NSG2: variants seen among roughly 807,000 people sequenced by gnomAD.
NSG2 encodes neuronal vesicle trafficking associated 2.
Under a neutral mutation model 16.9 loss-of-function variants are expected in NSG2, and 4 were observed. The ratio of observed to expected loss-of-function variants is 0.24; its 90% CI spans 0.12 to 0.54. The LOEUF (loss-of-function observed/expected upper bound fraction) is 0.54, where lower values mean the gene tolerates loss of function less well. Ranked by LOEUF, NSG2 falls within the 20% of genes least tolerant of loss-of-function variation. The probability of loss-of-function intolerance (pLI) is 0.95; values close to 1 mark genes in which losing one functional copy is unlikely to be tolerated. For synonymous variants in NSG2, 98 were observed against 88.7 expected (o/e 1.11, Z -0.59); for missense variants, 179 against 221.1 (o/e 0.81, Z 1.21).
At chr5:174,060,560 T>C (rs935885829) in intron 2 of NSG2, among the ~76,000 whole-genome samples, 2 of 152,132 alleles carry the variant, frequency 1.3e-5, no homozygotes, top group Admixed American at 1.3e-4. Flanking sequence ...TACCAAAAAT[T>C]AAGTGGCTTA....
chr5:174,107,529 G>T lies in NSG2; in HGVS notation c.*24G>T. 1 of 1,593,856 alleles carries T rather than the reference G, an allele frequency of 6.3e-7. No homozygotes were observed. Among genetic ancestry groups the T allele is most frequent in the Non-Finnish European group, 8.6e-7 (1 of 1,167,232 alleles). ...AGAGGCCTGCCCCAGCCAGAATGGG[G>T]GGCGGGGTGGAGAGGAGGACCCCCA... On this transcript the variant is annotated 3_prime_UTR_variant, in exon 5 of 5. Coordinates refer to ENST00000303177, the MANE Select transcript of NSG2 (RefSeq NM_015980.5). This position sits in a 1 kb window ranked among gnomAD's most constrained non-coding sequence, Gnocchi z 4.5.
chr5:174,057,312 A>G (rs940781246), intron 2 of NSG2, among the ~76,000 whole-genome samples: 5 of 152,064 alleles, frequency 3.3e-5, no homozygotes, highest in Admixed American at 1.3e-4. Context: ...TTGCAAATTT[A>G]TTTTTCTCCT....
chr5:174,107,457 A>G lies in NSG2; in HGVS notation c.468A>G (p.Ala156=), dbSNP rs774046344. The change falls in exon 5 of 5, where the codon GCA becomes GCG. Residue 156 remains alanine (A), a synonymous_variant. Coordinates refer to ENST00000303177, the MANE Select transcript of NSG2 (RefSeq NM_015980.5). The surrounding 1 kb of genome is among the most constrained non-coding windows in gnomAD (Gnocchi z 4.5). ...TARAIGPWLS[A]AAVIHEPKPP... ...GGGCCATCGGGCCGTGGCTGTCAGCAGCCGCTGTCATCCATGAGCCCAAGC... is the reference window on the plus strand; with the variant it reads ...GGGCCATCGGGCCGTGGCTGTCAGCGGCCGCTGTCATCCATGAGCCCAAGC... 6.2e-7 allele frequency: 1 copy of G among 1,612,390 alleles called. No homozygotes were observed. The highest frequency in any genetic ancestry group is 8.5e-7 in the Non-Finnish European group (1 of 1,178,702).
chr5:174,104,968 A>C (rs1760953801), intron 4 of NSG2, among the ~76,000 whole-genome samples: 1 of 152,054 alleles, frequency 6.6e-6, no homozygotes, highest in South Asian at 2.1e-4. Flanking sequence ...TAGATAATGA[A>C]CTCTCAACAA....
At chr5:174,083,131 GC>G (rs767639604) in intron 3 of NSG2, among the ~76,000 whole-genome samples, 3 of 152,174 alleles carry the variant, frequency 2.0e-5, no homozygotes, top group Non-Finnish European at 4.4e-5. Context: ...TGGCCCAGGA[GC>G]CCCACTCCCC....
At chr5:174,099,952 A>C (rs1760873387) in intron 3 of NSG2, among the ~76,000 whole-genome samples, 1 of 152,212 alleles carries the variant, frequency 6.6e-6, no homozygotes. Context: ...TGAGGTCTCA[A>C]GAAAGAGCCT....
At chr5:174,046,964 C>A in intron 2 of NSG2, 80 bp downstream of exon 2, 2 of 1,463,348 alleles carry the variant, frequency 1.4e-6, no homozygotes, top group South Asian at 1.2e-5. Flanking sequence ...ATTCCACCCC[C>A]CAAATCCTTT....
chr5:174,079,198 A>C (rs1376433340), intron 3 of NSG2, among the ~76,000 whole-genome samples: 1 of 151,742 alleles, frequency 6.6e-6, no homozygotes, highest in Non-Finnish European at 1.5e-5. Context: ...CCCATCTGAT[A>C]GGTAGGAAAT....
intron 2 of NSG2, among the ~76,000 whole-genome samples, chr5:174,052,860 C>T (rs1759914343): frequency 6.6e-6 from 1 of 152,180 alleles, no homozygotes; most frequent in South Asian, 2.1e-4. Context: ...CAGGCACAAC[C>T]CACCTTGGCA....
Position 174,107,387 on chromosome 5 carries a change from A to C in NSG2, c.398A>C (p.Tyr133Ser). ...SQDPNSRSRF[Y>S]TVISHYSVAK... ...GACCCCAATTCCAGAAGCCGCTTCT[A>C]CACAGTCATCAGCCACTACAGCGTG... The change falls in exon 5 of 5, where the codon TAC becomes TCC. Residue 133 changes from tyrosine (Y) to serine (S), a missense_variant. Physicochemically the swap from Tyr to Ser is moderately radical, Grantham distance 144. Transcript: ENST00000303177. This position sits in a 1 kb window ranked among gnomAD's most constrained non-coding sequence, Gnocchi z 4.5. 6.2e-7 allele frequency: 1 copy of C among 1,608,492 alleles called. No homozygotes were observed. Among genetic ancestry groups the C allele is most frequent in the Non-Finnish European group, 8.5e-7 (1 of 1,175,598 alleles).
At chr5:174,056,950 T>C (rs1179253160) in intron 2 of NSG2, among the ~76,000 whole-genome samples, 1 of 152,212 alleles carries the variant, frequency 6.6e-6, no homozygotes, top group Non-Finnish European at 1.5e-5. Context: ...AGACAAGGGG[T>C]CCTTTAGGGA....
chr5:174,095,135 C>T (rs1018530716), intron 3 of NSG2, among the ~76,000 whole-genome samples: 28 of 152,168 alleles, frequency 1.8e-4, no homozygotes, highest in African/African-American at 5.3e-4. Context: ...GCAGTTCATA[C>T]GGCAGTCTTC....
At chr5:174,090,215 C>T (rs750236618) in intron 3 of NSG2, among the ~76,000 whole-genome samples, 9 of 152,160 alleles carry the variant, frequency 5.9e-5, no homozygotes, top group East Asian at 3.9e-4. Context: ...CAAAGGGATA[C>T]GCAGCAAAAT....
chr5:174,080,512 C>CCTCT (rs1760433091), intron 3 of NSG2, among the ~76,000 whole-genome samples: 7 of 93,564 alleles, frequency 7.5e-5, no homozygotes, highest in African/African-American at 2.2e-4. Context: ...TCTTTCTTTC[C>CCTCT]CTCTTTCTTT....
intron 3 of NSG2, among the ~76,000 whole-genome samples, chr5:174,084,658 A>G (rs1399832165): frequency 2.6e-5 from 4 of 152,208 alleles, no homozygotes; most frequent in Admixed American, 2.6e-4. Flanking sequence ...AGCCCCTCAA[A>G]GAAGAGCTTT....
chr5:174,046,682 T>C (rs1163759683), intron 1 of NSG2, 52 bp from the exon 2 acceptor site: 1 of 1,582,104 alleles, frequency 6.3e-7, no homozygotes, highest in Non-Finnish European at 8.6e-7. Flanking sequence ...TCGTCAGCCC[T>C]CTCTTTCTGC....
chr5:174,054,427 G>A (rs1337683961), intron 2 of NSG2, among the ~76,000 whole-genome samples: 1 of 152,160 alleles, frequency 6.6e-6, no homozygotes, highest in Non-Finnish European at 1.5e-5. Flanking sequence ...TCCTGAAGCT[G>A]GAGTGTAGTG....
At chr5:174,055,811 C>T (rs980410547) in intron 2 of NSG2, among the ~76,000 whole-genome samples, 1 of 152,154 alleles carries the variant, frequency 6.6e-6, no homozygotes, top group African/African-American at 2.4e-5. Context: ...ACTGTGTGAC[C>T]TGTGGCAAAT....
chr5:174,051,869 C>T (rs1057346875), intron 2 of NSG2, among the ~76,000 whole-genome samples: 1 of 152,228 alleles, frequency 6.6e-6, no homozygotes, highest in Non-Finnish European at 1.5e-5. Context: ...GCAGGCCTAA[C>T]TGAGCCCTCA....
Sources: allele counts gnomAD v4.1 joint callset (sites outside exome capture counted in the v4.1 genomes callset), GRCh38; gene constraint gnomAD v4.1.1; non-coding constraint Gnocchi (gnomAD v3.1); transcripts MANE v1.5; gene names NCBI Gene and HGNC (gene_info 2026-07-23, HGNC 2026-07-21).